Variants in HELLS observed in about 807,000 individuals in gnomAD.
HELLS encodes lymphoid-specific helicase.
Under a neutral mutation model 120.0 loss-of-function variants are expected in HELLS, and 32 were observed. The observed-to-expected ratio is 0.27, with a 90% CI of 0.20 to 0.36. HELLS has a LOEUF of 0.36. Ranked by LOEUF, HELLS falls within the 10% of genes least tolerant of loss-of-function variation. HELLS has a pLI of 1.00. For synonymous variants in HELLS, 341 were observed against 323.4 expected (o/e 1.05, Z -0.58); for missense variants, 650 against 993.4 (o/e 0.65, Z 4.65).
intron 6 of HELLS, 150 bp downstream of exon 6, chr10:94,563,026 C>A: frequency 1.7e-6 from 1 of 582,670 alleles, no homozygotes; most frequent in African/African-American, 1.9e-5. Context: ...GTGAAGCTGC[C>A]AAAATGTTTG....
chr10:94,571,259 T>C, intron 6 of HELLS, 129 bp from the exon 7 acceptor site: 1 of 702,908 alleles, frequency 1.4e-6, no homozygotes, highest in Non-Finnish European at 2.3e-6. Flanking sequence ...GCCTGAAGGC[T>C]ACTAGTTTTA....
downstream of HELLS, among the ~76,000 whole-genome samples, chr10:94,606,606 T>G (rs1209451862): frequency 6.6e-6 from 1 of 152,154 alleles, no homozygotes; most frequent in African/African-American, 2.4e-5. Flanking sequence ...TATGTTTGCT[T>G]CCCAAAGCAT....
intron 3 of HELLS, 147 bp from the exon 4 acceptor site, chr10:94,557,992 G>A (rs1843346694): frequency 9.8e-7 from 1 of 1,022,528 alleles, no homozygotes; most frequent in South Asian, 1.8e-5. Context: ...AGTCCATAAA[G>A]GCTTGAAGTA....
At chr10:94,563,469 C>G (rs1175577882) in intron 6 of HELLS, among the ~76,000 whole-genome samples, 1 of 151,900 alleles carries the variant, frequency 6.6e-6, no homozygotes, top group African/African-American at 2.4e-5. Flanking sequence ...TCCTTCCTTT[C>G]TAGCTTCCTT....
Position 94,558,214 on chromosome 10 carries a change from A to T in HELLS, c.333+19A>T. ...TAAAAAGGTAATATAGCCAGCCGGAATATTTTTTATGTCATTTAAATATTG... is the reference window on the plus strand; with the variant it reads ...TAAAAAGGTAATATAGCCAGCCGGATTATTTTTTATGTCATTTAAATATTG... On this transcript the variant is annotated intron_variant, in intron 4 of 21. Transcript: ENST00000348459. 1 of 1,539,666 alleles carries T rather than the reference A, an allele frequency of 6.5e-7. No individual in the cohort carries two copies. The highest frequency in any genetic ancestry group is 8.7e-7 in the Non-Finnish European group (1 of 1,151,950).
In HELLS at chr10:94,601,704, C is replaced by G. The variant is rs1035596737; in HGVS notation, c.*82C>G. On this transcript the variant is annotated 3_prime_UTR_variant, in exon 22 of 22. Coordinates refer to ENST00000348459, the MANE Select transcript of HELLS (RefSeq NM_018063.5). ...TATTGGGTTTGAAATACTGATTGTC[C>G]ACTTCACCTTTTTTATTATATCAGT... 2.2e-5 allele frequency: 15 copies of G among 684,748 alleles called. No individual in the cohort carries two copies. The highest frequency in any genetic ancestry group is 2.6e-4 in the Middle Eastern group (1 of 3,846). The allele number at this position is 684,748 out of a possible 1,614,324, so 42.4% of individuals were successfully genotyped here.
chr10:94,596,988 G>C (rs1378021917), intron 20 of HELLS, 32 bp downstream of exon 20: 1 of 1,464,656 alleles, frequency 6.8e-7, no homozygotes, highest in East Asian at 2.3e-5. Context: ...GATTTAATTT[G>C]TAGCTTTGAA....
downstream of HELLS, among the ~76,000 whole-genome samples, chr10:94,602,541 A>G (rs1435683949): frequency 6.6e-6 from 1 of 152,182 alleles, no homozygotes; most frequent in Non-Finnish European, 1.5e-5. Flanking sequence ...TCCATAAGCC[A>G]TACATTTCTG....
intron 2 of HELLS, among the ~76,000 whole-genome samples, chr10:94,553,409 C>T (rs1346478177): frequency 6.7e-6 from 1 of 150,208 alleles, no homozygotes; most frequent in Non-Finnish European, 1.5e-5. Context: ...CCACCACGTC[C>T]TGCTAATTTT....
At chr10:94,553,430 G>A (rs1370645625) in intron 2 of HELLS, among the ~76,000 whole-genome samples, 1 of 151,134 alleles carries the variant, frequency 6.6e-6, no homozygotes, top group Non-Finnish European at 1.5e-5. Context: ...TATAGTTTTA[G>A]TAGAGATGGG....
chr10:94,555,281 A>G (rs567732166), intron 3 of HELLS, among the ~76,000 whole-genome samples: 2 of 152,148 alleles, frequency 1.3e-5, no homozygotes, highest in South Asian at 4.1e-4. Flanking sequence ...TACCAAAAAT[A>G]TAAAAATTAG....
chr10:94,571,698 C>T (rs1418645435), intron 7 of HELLS, among the ~76,000 whole-genome samples: 4 of 152,158 alleles, frequency 2.6e-5, no homozygotes, highest in Admixed American at 1.3e-4. Flanking sequence ...GTGAATCTGG[C>T]AGTGATACAA....
rs1215046969 is a variant in HELLS, at chr10:94,594,404, T to C, written c.2089-291T>C. 5.3e-5 allele frequency among the ~76,000 whole-genome samples: 8 copies of C among 152,300 alleles called. No homozygotes were observed. The East Asian group carries it at 1.4e-3, about 26-fold the overall frequency. ...TCTCACTGTTTGCCCACGCTGGTCTTGTATCCTCATATGATCCTCCTGCCT... is the reference window on the plus strand; with the variant it reads ...TCTCACTGTTTGCCCACGCTGGTCTCGTATCCTCATATGATCCTCCTGCCT... On this transcript the variant is annotated intron_variant, in intron 18 of 21. Coordinates refer to ENST00000348459, the MANE Select transcript of HELLS (RefSeq NM_018063.5).
At chr10:94,578,268 C>A (rs971029764) in intron 10 of HELLS, among the ~76,000 whole-genome samples, 1 of 151,974 alleles carries the variant, frequency 6.6e-6, no homozygotes, top group Non-Finnish European at 1.5e-5. Context: ...AGTCCCCAAC[C>A]TTTTGGCACC....
chr10:94,551,492 G>A (rs1036212958), intron 2 of HELLS, among the ~76,000 whole-genome samples: 1 of 151,914 alleles, frequency 6.6e-6, no homozygotes, highest in Non-Finnish European at 1.5e-5. Flanking sequence ...GCTTGAACCC[G>A]GGAGGCGGAG....
At chr10:94,555,805 T>G (rs1032259137) in intron 3 of HELLS, among the ~76,000 whole-genome samples, 2 of 152,136 alleles carry the variant, frequency 1.3e-5, no homozygotes, top group African/African-American at 4.8e-5. Flanking sequence ...ATTTTTGTAT[T>G]TTTTGTAGAG....
Position 94,581,501 on chromosome 10 carries a change from A to C in HELLS, c.1208A>C (p.Asp403Ala). Reference protein sequence around the residue: ...LWSLLNFLLPDVFDDLKSFES... With the variant: ...LWSLLNFLLPAVFDDLKSFES... ...TCATTGCTAAACTTTTTGTTGCCAGATGTATTTGATGACTTGAAAAGGTGG... is the reference window on the plus strand; with the variant it reads ...TCATTGCTAAACTTTTTGTTGCCAGCTGTATTTGATGACTTGAAAAGGTGG... The change falls in exon 11 of 22, where the codon GAT becomes GCT. Residue 403 changes from aspartate to alanine, a missense_variant. Around this residue, in one of 9 missense-constraint regions of HELLS, gnomAD observed 48 missense variants for 127.0 expected, o/e 0.38. Transcript: ENST00000348459. The C allele has an allele frequency of 6.2e-7, 1 of 1,607,828 alleles. No homozygotes were observed. The highest frequency in any genetic ancestry group is 8.5e-7 in the Non-Finnish European group (1 of 1,177,868).
intron 10 of HELLS, among the ~76,000 whole-genome samples, chr10:94,578,191 G>A (rs1564600276): frequency 1.3e-5 from 2 of 151,580 alleles, no homozygotes; most frequent in Non-Finnish European, 2.9e-5. Context: ...CTGTGATTGC[G>A]CCACTGCACT....
Position 94,545,890 on chromosome 10 carries a change from A to G in HELLS, c.-32A>G. ...TCGCGGCATTGCAGGCTCTGAGAGGAGGGGACCCGGTTCCCGGGTGAGTGT... is the reference window on the plus strand; with the variant it reads ...TCGCGGCATTGCAGGCTCTGAGAGGGGGGGACCCGGTTCCCGGGTGAGTGT... On this transcript the variant is annotated 5_prime_UTR_variant, in exon 1 of 22. Transcript: ENST00000348459. 6.4e-7 allele frequency: 1 copy of G among 1,551,942 alleles called. No homozygotes were observed. The highest frequency in any genetic ancestry group is 8.7e-7 in the Non-Finnish European group (1 of 1,146,986).
Sources: allele counts gnomAD v4.1 joint callset (sites outside exome capture counted in the v4.1 genomes callset), GRCh38; gene constraint gnomAD v4.1.1; regional missense constraint gnomAD v4.1.1; transcripts MANE v1.5; gene names NCBI Gene and HGNC (gene_info 2026-07-23, HGNC 2026-07-21).